The following CUBN variants were observed in gnomAD, a reference collection of about 807,000 sequenced individuals.
CUBN encodes the protein 460 kDa receptor.
Under a neutral mutation model 405.3 loss-of-function variants are expected in CUBN, and 282 were observed. The observed-to-expected ratio is 0.70, with a 90% CI of 0.63 to 0.77. The LOEUF is 0.77. CUBN is among the 30% of genes least tolerant of loss of function. CUBN has a pLI of 0.00. For missense variants in CUBN, 4,514 were observed against 4,475.2 expected, an observed-to-expected ratio of 1.01 and a Z score of -0.25; for synonymous variants, 1,684 against 1,617.0, an observed-to-expected ratio of 1.04 and a Z score of -0.99.
chr10:16,889,953 A>AAAAAAAAAAAAAG (rs57009841), intron 55 of CUBN, among the ~76,000 whole-genome samples: 2,411 of 117,806 alleles, frequency 0.02, 452 homozygotes, highest in African/African-American at 0.096. Context: ...AAAAAAAAAA[A>AAAAAAAAAAAAAG]CAGGAAAGAC....
chr10:17,129,224 T>C lies in CUBN; in HGVS notation c.149A>G (p.Asn50Ser). 6.2e-7 allele frequency: 1 copy of C among 1,613,682 alleles called. No individual in the cohort carries two copies. Among genetic ancestry groups the C allele is most frequent in the Non-Finnish European group, 8.5e-7 (1 of 1,179,580 alleles). Residue 50 changes from asparagine to serine, a missense_variant, in exon 2 of 67, where the codon AAT (asparagine) becomes AGT (serine). By Grantham distance (46) the Asn-to-Ser change is conservative (BLOSUM62 1). Around this residue, in one of 5 missense-constraint regions of CUBN, gnomAD observed 1,448 missense variants for 1,388.0 expected, o/e 1.04. Transcript: ENST00000377833. ...QQPRMATERG[N>S]LVFLTGSAQN... ...AGCAGACCCCGTAAGAAACACCAAATTTCCTCTCTCTGTAGCCATTCGAGG... is the reference window on the plus strand; with the variant it reads ...AGCAGACCCCGTAAGAAACACCAAACTTCCTCTCTCTGTAGCCATTCGAGG...
Position 17,047,607 on chromosome 10 carries a change from T to C in CUBN, c.3140-4A>G, listed in dbSNP as rs1344878044. The C allele has an allele frequency of 1.2e-6, 2 of 1,613,344 alleles. No individual in the cohort carries two copies. The highest frequency in any genetic ancestry group is 3.3e-5 in the Admixed American group (2 of 60,018). On this transcript the variant is annotated splice_polypyrimidine_tract_variant and splice_region_variant and intron_variant, in intron 22 of 66. Coordinates refer to ENST00000377833, the MANE Select transcript of CUBN (RefSeq NM_001081.4). ...TCTGTGTAGTCTTGCAAACATGCTG[T>C]GAACAGAAACAGACCATAAGAGAGA...
intron 39 of CUBN, among the ~76,000 whole-genome samples, chr10:16,935,881 A>G (rs2131599283): frequency 6.7e-6 from 1 of 148,828 alleles, no homozygotes; most frequent in South Asian, 2.1e-4. Flanking sequence ...CTCCATCTCA[A>G]AAAAAAAAAA....
chr10:16,988,985 T>G (rs1054843496), intron 29 of CUBN, among the ~76,000 whole-genome samples: 2 of 152,190 alleles, frequency 1.3e-5, no homozygotes, highest in African/African-American at 4.8e-5. Context: ...AAATGTGCAT[T>G]ATTATGGTGT....
intron 31 of CUBN, among the ~76,000 whole-genome samples, chr10:16,962,871 T>C (rs1437342587): frequency 6.6e-6 from 1 of 152,002 alleles, no homozygotes; most frequent in African/African-American, 2.4e-5. Context: ...AAACTGTAAA[T>C]GTTGTTGTCT....
chr10:16,985,321 G>A (rs1211418170), intron 29 of CUBN, among the ~76,000 whole-genome samples: 1 of 152,222 alleles, frequency 6.6e-6, no homozygotes, highest in East Asian at 1.9e-4. Flanking sequence ...ACGTTGAGAG[G>A]AGTTTGGCCG....
At chr10:17,078,662 GATAA>G (rs960722924) in intron 17 of CUBN, among the ~76,000 whole-genome samples, 1 of 152,164 alleles carries the variant, frequency 6.6e-6, no homozygotes, top group African/African-American at 2.4e-5. Flanking sequence ...AGAATGAATA[GATAA>G]ATGAATGAAT....
intron 39 of CUBN, 25 bp downstream of exon 39, chr10:16,937,567 G>C: frequency 6.2e-7 from 1 of 1,606,294 alleles, no homozygotes; most frequent in African/African-American, 1.3e-5. Context: ...GTCCTAAAAA[G>C]AACTTCATTT....
chr10:16,917,309 C>A (rs541783471), intron 45 of CUBN, among the ~76,000 whole-genome samples: 13 of 152,132 alleles, frequency 8.5e-5, no homozygotes, highest in Non-Finnish European at 1.8e-4. Context: ...TTCCAAGACC[C>A]CCAGTGAGTG....
At chr10:16,900,911 G>A (rs952279579) in intron 52 of CUBN, 61 bp from the exon 53 acceptor site, 29 of 1,116,172 alleles carry the variant, frequency 2.6e-5, no homozygotes, top group East Asian at 2.5e-4. Flanking sequence ...CGAAGATAAG[G>A]CCCTTACAAA....
intron 56 of CUBN, among the ~76,000 whole-genome samples, chr10:16,886,980 G>T (rs1347166559): frequency 6.6e-6 from 1 of 152,166 alleles, no homozygotes; most frequent in African/African-American, 2.4e-5. Flanking sequence ...CAGGGACAGG[G>T]TTTCTCCATG....
chr10:16,958,985 G>A (rs115634477), intron 31 of CUBN, among the ~76,000 whole-genome samples: 2 of 152,310 alleles, frequency 1.3e-5, no homozygotes, highest in African/African-American at 2.4e-5. Context: ...GCATCCTCTT[G>A]TGGGGAGGAA....
At chr10:17,089,333 A>G (rs1836198818) in intron 14 of CUBN, among the ~76,000 whole-genome samples, 1 of 152,240 alleles carries the variant, frequency 6.6e-6, no homozygotes, top group African/African-American at 2.4e-5. Context: ...TTTTAAATGC[A>G]TAAAATAGCA....
At chr10:16,826,532 A>G (rs1352017670) in intron 66 of CUBN, among the ~76,000 whole-genome samples, 1 of 152,198 alleles carries the variant, frequency 6.6e-6, no homozygotes, top group Admixed American at 6.5e-5. Context: ...TTTTTCATTT[A>G]TGTTTAACAT....
At chr10:16,844,878 C>T (rs1048172560) in intron 60 of CUBN, among the ~76,000 whole-genome samples, 2 of 151,918 alleles carry the variant, frequency 1.3e-5, no homozygotes, top group Non-Finnish European at 2.9e-5. Flanking sequence ...ATAAATGGTG[C>T]CTTTAGGATC....
chr10:16,880,941 AAG>A (rs1416806332), intron 56 of CUBN, among the ~76,000 whole-genome samples: 2 of 152,212 alleles, frequency 1.3e-5, no homozygotes, highest in East Asian at 3.8e-4. Flanking sequence ...GATGTGGAAA[AAG>A]AGGACAAAAA....
chr10:16,925,376 C>G lies in CUBN; in HGVS notation c.6511G>C (p.Gly2171Arg). ...ICSPPLGPPG[G>R]NGHFCGSHAS... ...TGACTGCCACAAAAATGACCATTTC[C>G]TCCAGGGGGTCCCAAGGGTGGAGAA... is the stretch of plus-strand genomic sequence containing the variant. The change falls in exon 43 of 67, where the codon GGA (glycine) becomes CGA (arginine). Residue 2171 changes from glycine to arginine, a missense_variant. By Grantham distance (125) the Gly-to-Arg change is moderately radical. Around this residue, in one of 5 missense-constraint regions of CUBN, gnomAD observed 1,613 missense variants for 1,542.8 expected, o/e 1.05. Transcript: ENST00000377833. 6 of 1,613,964 alleles carry G rather than the reference C, an allele frequency of 3.7e-6. No homozygotes were observed. Among genetic ancestry groups the G allele is most frequent in the Admixed American group, 1.7e-5 (1 of 59,990 alleles).
chr10:17,001,940 T>A (rs922213223), intron 28 of CUBN, among the ~76,000 whole-genome samples: 5 of 152,230 alleles, frequency 3.3e-5, no homozygotes, highest in Non-Finnish European at 7.3e-5. Flanking sequence ...TATCAAATTC[T>A]ACTAACTCTT....
intron 28 of CUBN, among the ~76,000 whole-genome samples, chr10:16,998,162 A>G (rs1336334603): frequency 1.3e-5 from 2 of 152,126 alleles, no homozygotes; most frequent in African/African-American, 4.8e-5. Flanking sequence ...TGGGTTGAAC[A>G]CTGTCCCCCG....
Sources: allele counts gnomAD v4.1 joint callset (sites outside exome capture counted in the v4.1 genomes callset), GRCh38; gene constraint gnomAD v4.1.1; regional missense constraint gnomAD v4.1.1; transcripts MANE v1.5; gene names NCBI Gene and HGNC (gene_info 2026-07-23, HGNC 2026-07-21).